Variants in PIK3C2G observed in about 807,000 individuals in gnomAD.
The protein encoded by PIK3C2G is phosphatidylinositol 3-kinase C2 domain-containing subunit gamma.
Under a neutral mutation model 181.1 loss-of-function variants are expected in PIK3C2G, and 168 were observed. That is an observed-to-expected ratio of 0.93 (90% CI 0.82 to 1.05). PIK3C2G has a LOEUF of 1.05. Ranked by LOEUF, PIK3C2G falls within the 50% of genes least tolerant of loss-of-function variation. The probability of loss-of-function intolerance (pLI) is 0.00; values close to 1 mark genes in which losing one functional copy is unlikely to be tolerated. For missense variants in PIK3C2G, 1,869 were observed against 1,732.8 expected (o/e 1.08, Z -1.40); for synonymous variants, 573 against 592.2 (o/e 0.97, Z 0.47).
intron 30 of PIK3C2G, among the ~76,000 whole-genome samples, chr12:18,607,753 T>A (rs1387977504): frequency 6.6e-6 from 1 of 151,712 alleles, no homozygotes; most frequent in Non-Finnish European, 1.5e-5. Context: ...ACCATCAGAG[T>A]GAACAGGCAA....
chr12:18,409,198 C>A (rs1010602158), intron 16 of PIK3C2G, among the ~76,000 whole-genome samples: 1 of 152,122 alleles, frequency 6.6e-6, no homozygotes, highest in Non-Finnish European at 1.5e-5. Context: ...ACATATACAC[C>A]ATGGAATACT....
At chr12:18,512,549 A>AT (rs201790160) in intron 24 of PIK3C2G, among the ~76,000 whole-genome samples, 3,205 of 151,840 alleles carry the variant, frequency 0.021, 38 homozygotes, top group Middle Eastern at 0.065. Context: ...TAAGTATTTG[A>AT]TTTTTTGTTG....
At chr12:18,566,612 T>C (rs1323492977) in intron 28 of PIK3C2G, among the ~76,000 whole-genome samples, 1 of 152,202 alleles carries the variant, frequency 6.6e-6, no homozygotes, top group African/African-American at 2.4e-5. Context: ...TTTAAAAATT[T>C]TGAACCATTA....
intron 28 of PIK3C2G, 151 bp from the exon 29 acceptor site, chr12:18,566,798 A>C (rs1945660468): frequency 1.6e-6 from 1 of 618,204 alleles, no homozygotes; most frequent in South Asian, 2.0e-5. Flanking sequence ...CATATTAATA[A>C]AATTCTGAGG....
At chr12:18,573,480 C>T (rs1242632976) in intron 29 of PIK3C2G, among the ~76,000 whole-genome samples, 1 of 152,216 alleles carries the variant, frequency 6.6e-6, no homozygotes, top group Non-Finnish European at 1.5e-5. Context: ...ACTGCTCCCA[C>T]TTGTGTGAGT....
intron 14 of PIK3C2G, among the ~76,000 whole-genome samples, chr12:18,387,850 C>T (rs1943273986): frequency 6.6e-6 from 1 of 152,150 alleles, no homozygotes; most frequent in Non-Finnish European, 1.5e-5. Context: ...ACTACAAAAA[C>T]ACTGCCCACA....
chr12:18,288,445 A>G (rs1949548468), intron 3 of PIK3C2G, among the ~76,000 whole-genome samples: 1 of 152,248 alleles, frequency 6.6e-6, no homozygotes, highest in Admixed American at 6.5e-5. Context: ...TATAACCATA[A>G]GAAGGATTGA....
At chr12:18,265,360 TAAAC>T (rs1948439704) in intron 1 of PIK3C2G, among the ~76,000 whole-genome samples, 2 of 152,314 alleles carry the variant, frequency 1.3e-5, no homozygotes, top group Middle Eastern at 3.4e-3. Context: ...GATTTATTGA[TAAAC>T]AAAAGGATTC....
chr12:18,689,688 C>T, the PIK3C2G span, among the ~76,000 whole-genome samples: 3 of 152,128 alleles, frequency 2.0e-5, no homozygotes, highest in South Asian at 2.1e-4. Flanking sequence ...ATTGGCCTTA[C>T]CCATAAGATT....
At chr12:18,393,834 A>G (rs987749940) in intron 15 of PIK3C2G, among the ~76,000 whole-genome samples, 3 of 152,130 alleles carry the variant, frequency 2.0e-5, no homozygotes, top group South Asian at 2.1e-4. Context: ...AAGGTAGAAT[A>G]TAAGAAGAGA....
At chr12:18,382,012 G>C in intron 14 of PIK3C2G, 132 bp downstream of exon 14, 1 of 645,688 alleles carries the variant, frequency 1.5e-6, no homozygotes, top group Admixed American at 2.5e-5. Context: ...AGCCTTCTGG[G>C]ATTTGTGAAA....
At chr12:18,459,089 T>C (rs570307863) in intron 18 of PIK3C2G, among the ~76,000 whole-genome samples, 1 of 152,184 alleles carries the variant, frequency 6.6e-6, no homozygotes, top group African/African-American at 2.4e-5. Flanking sequence ...GTAGCCATGG[T>C]TTTAAGCCAC....
Position 18,496,162 on chromosome 12 carries a change from A to T in PIK3C2G, c.2886+8A>T. On this transcript the variant is annotated splice_region_variant and intron_variant, in intron 21 of 32. Coordinates refer to ENST00000538779, the MANE Select transcript of PIK3C2G (RefSeq NM_001288772.2). ...ATCAGCATTATTTTTAAGGTATGGT[A>T]GCGCTCTTAAAACATGAATTGATTC... 1 of 1,459,896 alleles carries T rather than the reference A, an allele frequency of 6.8e-7. No homozygotes were observed. Among genetic ancestry groups the T allele is most frequent in the Non-Finnish European group, 9.3e-7 (1 of 1,074,622 alleles). The allele number at this position is 1,459,896 out of a possible 1,614,324, so 90.4% of individuals were successfully genotyped here. A position where few individuals can be genotyped will look rare whatever the true frequency, so the allele number is the denominator to read the frequency against.
chr12:18,401,651 T>C (rs976180127), intron 16 of PIK3C2G, among the ~76,000 whole-genome samples: 2 of 152,064 alleles, frequency 1.3e-5, no homozygotes, highest in Admixed American at 1.3e-4. Flanking sequence ...ATAAAGACTC[T>C]TAAAACTCAA....
chr12:18,479,699 G>A (rs577989040), intron 18 of PIK3C2G, among the ~76,000 whole-genome samples: 21 of 152,294 alleles, frequency 1.4e-4, no homozygotes, highest in African/African-American at 4.3e-4. Context: ...AAAGCATGCA[G>A]GTTCTTGCCA....
Position 18,437,171 on chromosome 12 carries a change from T to G in PIK3C2G, c.2504+13132T>G, listed in dbSNP as rs1472140585. 2.0e-5 allele frequency among the ~76,000 whole-genome samples: 3 copies of G among 151,954 alleles called. No homozygotes were observed. In the East Asian group the frequency reaches 5.8e-4, roughly 29 times the overall value. On this transcript the variant is annotated intron_variant, in intron 18 of 32. Transcript: ENST00000538779. ...TTTTACTTTCAGGCTCCATCTTAAT[T>G]TTTTGTATCTTTGTTCATGAAAAGA...
chr12:18,539,603 T>A lies in PIK3C2G; in HGVS notation c.3480+1291T>A, dbSNP rs116023631. On this transcript the variant is annotated intron_variant, in intron 25 of 32. Transcript: ENST00000538779. ...GTACTCAGTAGCCACGTTTGGCTAG[T>A]GGCATCATATTGGTCAGCACAGATA... is the stretch of plus-strand genomic sequence containing the variant. Among the ~76,000 whole-genome samples the A allele has an allele frequency of 5.2e-3, 798 of 152,034 alleles. 7 individuals carry two copies. The highest frequency in any genetic ancestry group is 0.018 in the African/African-American group (765 of 41,524).
chr12:18,387,451 G>A (rs1039131495), intron 14 of PIK3C2G, among the ~76,000 whole-genome samples: 4 of 152,080 alleles, frequency 2.6e-5, no homozygotes, highest in African/African-American at 4.8e-5. Context: ...AAATGCTGTC[G>A]TTTCTGACAT....
chr12:18,519,792 C>T (rs1198797531), intron 24 of PIK3C2G, among the ~76,000 whole-genome samples: 2 of 151,928 alleles, frequency 1.3e-5, no homozygotes, highest in African/African-American at 4.8e-5. Context: ...ACACTAGTTG[C>T]TGCAGTTTCT....
Sources: allele counts gnomAD v4.1 joint callset (sites outside exome capture counted in the v4.1 genomes callset), GRCh38; gene constraint gnomAD v4.1.1; transcripts MANE v1.5; gene names NCBI Gene and HGNC (gene_info 2026-07-23, HGNC 2026-07-21).